The following GOLGA8A variants were observed in gnomAD, a reference collection of about 807,000 sequenced individuals.
The protein encoded by GOLGA8A is golgin A8 family member A, also known as golgin subfamily A member 8A.
Under a neutral mutation model 22.1 loss-of-function variants are expected in GOLGA8A, and 3 were observed. That is an observed-to-expected ratio of 0.14 (90% CI 0.06 to 0.35). GOLGA8A has a LOEUF of 0.35. GOLGA8A is among the 10% of genes least tolerant of loss of function. GOLGA8A has a pLI of 1.00. For missense variants in GOLGA8A, 16 were observed against 233.2 expected, an observed-to-expected ratio of 0.07 and a Z score of 6.07; for synonymous variants, 7 against 91.7, an observed-to-expected ratio of 0.08 and a Z score of 5.28.
At chr15:34,429,910 C>A (rs1291712325) in intron 2 of GOLGA8A, among the ~76,000 whole-genome samples, 3 of 148,002 alleles carry the variant, frequency 2.0e-5, no homozygotes, top group Non-Finnish European at 4.5e-5. Context: ...TAGATTAAGC[C>A]ACCCTATGTG....
chr15:34,425,863 A>G (rs1892962065), intron 2 of GOLGA8A, among the ~76,000 whole-genome samples: 1 of 145,398 alleles, frequency 6.9e-6, no homozygotes, highest in Non-Finnish European at 1.5e-5. Flanking sequence ...TTACAAACAC[A>G]AAATGAAATA....
intron 2 of GOLGA8A, among the ~76,000 whole-genome samples, chr15:34,426,120 A>C (rs1401139150): frequency 4.0e-5 from 6 of 148,880 alleles, no homozygotes. Flanking sequence ...CTACGAAAAC[A>C]ACCCCATGCA....
In GOLGA8A at chr15:34,379,861, A is replaced by AG. The variant is rs1891391523; in HGVS notation, c.*1549_*1550insC. 1 of 152,708 alleles carries AG rather than the reference A, an allele frequency of 6.5e-6. No homozygotes were observed. The highest frequency in any genetic ancestry group is 1.5e-5 in the Non-Finnish European group (1 of 68,054). The allele number at this position is 152,708 out of a possible 1,614,324, so 9.5% of individuals were successfully genotyped here. ...CATTCATTCATCATGCATAGGCACA[A>AG]TCACAGAAATATTGCACAAAGTATG... On this transcript the variant is annotated 3_prime_UTR_variant, in exon 25 of 25. Coordinates refer to ENST00000359187, the MANE Select transcript of GOLGA8A (RefSeq NM_181077.5).
intron 2 of GOLGA8A, among the ~76,000 whole-genome samples, chr15:34,412,407 C>T (rs1237272806): frequency 6.8e-6 from 1 of 146,842 alleles, no homozygotes; most frequent in East Asian, 2.1e-4. Flanking sequence ...ACCGGGTCTG[C>T]TCTGGGTGCA....
At chr15:34,431,331 A>C (rs1027558498) in intron 2 of GOLGA8A, among the ~76,000 whole-genome samples, 9,288 of 51,332 alleles carry the variant, frequency 0.18, 617 homozygotes, top group Non-Finnish European at 0.2. Context: ...ATATATATAT[A>C]TATATATATA....
chr15:34,434,716 G>A (rs1304225177), intron 2 of GOLGA8A, among the ~76,000 whole-genome samples: 1 of 149,352 alleles, frequency 6.7e-6, no homozygotes, highest in Non-Finnish European at 1.5e-5. Context: ...GGGCACACAG[G>A]CTGCCTCCTG....
At chr15:34,416,460 T>A (rs565300612) in intron 2 of GOLGA8A, 1 of 142,318 alleles carries the variant, frequency 7.0e-6, no homozygotes, top group African/African-American at 2.6e-5. Flanking sequence ...TCATCTTTTT[T>A]AAAATGCCCC....
chr15:34,436,436 C>T (rs1265898349), intron 1 of GOLGA8A, among the ~76,000 whole-genome samples: 1 of 149,790 alleles, frequency 6.7e-6, no homozygotes, highest in Non-Finnish European at 1.5e-5. Flanking sequence ...TGACTGCACT[C>T]AACCACAGAT....
In GOLGA8A at chr15:34,380,289, A is replaced by G. The variant is rs1436455611; in HGVS notation, c.*1122T>C. ...CTTCAAGCCTCAAAGAAGCTCCATG[A>G]ACAGAGAGGAATGCCAGGTGTCACA... On this transcript the variant is annotated 3_prime_UTR_variant, in exon 25 of 25. Coordinates refer to ENST00000359187, the MANE Select transcript of GOLGA8A (RefSeq NM_181077.5). 1.3e-5 allele frequency: 2 copies of G among 152,216 alleles called. No individual in the cohort carries two copies. The highest frequency in any genetic ancestry group is 2.9e-5 in the Non-Finnish European group (2 of 68,032). 9.4% of individuals were successfully genotyped at this position (152,216 alleles called of 1,614,324 possible). A position where few individuals can be genotyped will look rare whatever the true frequency, so the allele number is the denominator to read the frequency against.
In GOLGA8A at chr15:34,437,422, G is replaced by A. The variant is rs1372493100; in HGVS notation, c.-1236C>T. The A allele has an allele frequency of 7.1e-6, 1 of 141,238 alleles. No individual in the cohort carries two copies. Among genetic ancestry groups the A allele is most frequent in the African/African-American group, 2.6e-5 (1 of 38,768 alleles). The allele number at this position is 141,238 out of a possible 1,614,324, so 8.7% of individuals were successfully genotyped here. On this transcript the variant is annotated 5_prime_UTR_variant, in exon 1 of 25. Coordinates refer to ENST00000359187, the MANE Select transcript of GOLGA8A (RefSeq NM_181077.5). ...CCTGGCCAGGGCGCGGGGCTGCCCC[G>A]GTCCGCCGCCGTCCTCGCCGCGCCG...
At chr15:34,429,307 G>A (rs1315422725) in intron 2 of GOLGA8A, among the ~76,000 whole-genome samples, 1 of 145,808 alleles carries the variant, frequency 6.9e-6, no homozygotes, top group African/African-American at 2.5e-5. Flanking sequence ...GCTCTCCAGG[G>A]CTACCAAGCC....
chr15:34,432,238 C>T (rs77870474), intron 2 of GOLGA8A, among the ~76,000 whole-genome samples: 2 of 149,298 alleles, frequency 1.3e-5, no homozygotes, highest in East Asian at 2.0e-4. Context: ...GGCATTTCCA[C>T]GACTCTCCGA....
chr15:34,430,974 C>T (rs1455972183), intron 2 of GOLGA8A, among the ~76,000 whole-genome samples: 1 of 147,486 alleles, frequency 6.8e-6, no homozygotes, highest in Non-Finnish European at 1.5e-5. Context: ...TGCTAGAGCA[C>T]ATGGCTCACT....
intron 2 of GOLGA8A, chr15:34,418,461 G>T (rs1302950555): frequency 7.0e-6 from 1 of 143,226 alleles, no homozygotes; most frequent in Admixed American, 7.3e-5. Flanking sequence ...TTTTCTGCAG[G>T]TACTTTTGCA....
chr15:34,400,643 C>T (rs1230153701), intron 6 of GOLGA8A, 69 bp downstream of exon 6: 4 of 143,552 alleles, frequency 2.8e-5, no homozygotes, highest in African/African-American at 7.4e-5. Context: ...TTTAGGCCTG[C>T]GTGCTTTATT....
intron 2 of GOLGA8A, chr15:34,410,451 G>A: frequency 4.7e-6 from 1 of 213,994 alleles, no homozygotes; most frequent in Non-Finnish European, 7.2e-6. Context: ...CACCCATCAA[G>A]GCCAGCTGCA....
intron 6 of GOLGA8A, 86 bp downstream of exon 6, chr15:34,400,622 GTTTT>G (rs1265512078): frequency 3.4e-5 from 4 of 117,748 alleles, no homozygotes; most frequent in African/African-American, 5.4e-5. Flanking sequence ...TTTGTGTTTT[GTTTT>G]TTTTGTTTTA....
rs73376080 is a variant in GOLGA8A, at chr15:34,429,867, G to C, written c.-1123+5516C>G. 4.1e-5 allele frequency among the ~76,000 whole-genome samples: 6 copies of C among 148,048 alleles called. 1 individual carries two copies. The highest frequency in any genetic ancestry group is 7.5e-5 in the Non-Finnish European group (5 of 66,818). On this transcript the variant is annotated intron_variant, in intron 2 of 24. Transcript: ENST00000359187. ...ATGACGGGCAAGGTGAGACCTACCA[G>C]GTTAGTGTCCCGCACCCCTTTGTTT...
At chr15:34,424,154 C>T (rs1221822957) in intron 2 of GOLGA8A, among the ~76,000 whole-genome samples, 4 of 145,602 alleles carry the variant, frequency 2.7e-5, no homozygotes, top group Non-Finnish European at 4.5e-5. Flanking sequence ...CCCCTCTCCT[C>T]CAGCTTGCCC....
Sources: allele counts gnomAD v4.1 joint callset (sites outside exome capture counted in the v4.1 genomes callset), GRCh38; gene constraint gnomAD v4.1.1; transcripts MANE v1.5; gene names NCBI Gene and HGNC (gene_info 2026-07-23, HGNC 2026-07-21).